FOXH1: variants seen among roughly 807,000 people sequenced by gnomAD.
FOXH1 encodes forkhead box H1.
Under a neutral mutation model 14.2 loss-of-function variants are expected in FOXH1, and 10 were observed. The ratio of observed to expected loss-of-function variants is 0.70; its 90% CI spans 0.43 to 1.19. The LOEUF is 1.19. Among genes scored for constraint, FOXH1 ranks in the 50% most tolerant of loss-of-function variants. FOXH1 has a pLI of 0.00. For synonymous variants in FOXH1, 273 were observed against 209.5 expected (o/e 1.30, Z -2.62); for missense variants, 643 against 492.1 (o/e 1.31, Z -2.90).
Position 144,474,671 on chromosome 8 carries a change from AG to A in FOXH1, c.664del (p.Leu222PhefsTer69). The A allele has an allele frequency of 6.5e-7, 1 of 1,540,224 alleles. No individual in the cohort carries two copies. Among genetic ancestry groups the A allele is most frequent in the South Asian group, 1.2e-5 (1 of 81,158 alleles). On this transcript the variant is annotated frameshift_variant, in exon 3 of 3. Coordinates refer to ENST00000377317, the MANE Select transcript of FOXH1 (RefSeq NM_003923.3). LOFTEE classifies it low-confidence loss of function (END_TRUNC). ...CCCCTCCACTCTCGTGGGGCCAGGA[AG>A]GGGGCAGAGGGGCCACAGAGGCCTC... ...SERPLWPLCP[L>X]PGPTRVEGET...
rs144033228 is a variant in FOXH1 at position 144,474,422 on chromosome 8, G to A, written c.914C>T (p.Ser305Leu). The change falls in exon 3 of 3, where the codon TCA becomes TTA. Residue 305 changes from serine (S) to leucine (L), a missense_variant. Coordinates refer to ENST00000377317, the MANE Select transcript of FOXH1 (RefSeq NM_003923.3). Reference protein sequence around the residue: ...PPPTSCPQCPSTSPAYWGVAP... With the variant: ...PPPTSCPQCPLTSPAYWGVAP... ...CACCCCCCAGTAGGCAGGGCTGGTT[G>A]ACGGACACTGGGGACAGGAGGTGGG... is the stretch of plus-strand genomic sequence containing the variant. 4.3e-6 allele frequency: 7 copies of A among 1,613,150 alleles called. No homozygotes were observed. Among genetic ancestry groups the A allele is most frequent in the Non-Finnish European group, 5.1e-6 (6 of 1,180,018 alleles).
Position 144,475,163 on chromosome 8 carries a change from G to A in FOXH1, c.273C>T (p.Phe91=), listed in dbSNP as rs1022047188. 2 of 1,613,414 alleles carry A rather than the reference G, an allele frequency of 1.2e-6. No individual in the cohort carries two copies. Among genetic ancestry groups the A allele is most frequent in the Non-Finnish European group, 1.7e-6 (2 of 1,179,836 alleles). Residue 91 remains phenylalanine (F), a synonymous_variant, in exon 2 of 3, where the codon TTC becomes TTT. Coordinates refer to ENST00000377317, the MANE Select transcript of FOXH1 (RefSeq NM_003923.3). ...IRHNLSSNRC[F]RKVPKDPAKP... ...CGACCCTGGCCTGCCCCACCTTGCG[G>A]AAGCATCGGTTGGAGGAAAGGTTGT...
Position 144,475,097 on chromosome 8 carries a change from T to G in FOXH1, c.280-41A>C, listed in dbSNP as rs376712865. Reference sequence around the variant, plus strand: ...AGACATGGGTGGGGCTGCCCAACCTTGGATGCTCAGGACTTCCGCGCGCGC... The same window carrying G: ...AGACATGGGTGGGGCTGCCCAACCTGGGATGCTCAGGACTTCCGCGCGCGC... On this transcript the variant is annotated intron_variant, in intron 2 of 2. Transcript: ENST00000377317. The G allele has an allele frequency of 9.4e-6, 15 of 1,603,400 alleles. No homozygotes were observed. The African/African-American group carries it at 2.0e-4, about 21-fold the overall frequency.
At position 144,474,152 on chromosome 8, in the gene FOXH1, G is replaced by A; in HGVS notation, c.*86C>T. ...TGCCTGGTGTTTCGAGGCTGCTGTG[G>A]TCGCAGACAGCCGCCTCGCCTTGGC... On this transcript the variant is annotated 3_prime_UTR_variant, in exon 3 of 3. Coordinates refer to ENST00000377317, the MANE Select transcript of FOXH1 (RefSeq NM_003923.3). The A allele has an allele frequency of 9.3e-7, 1 of 1,071,744 alleles. No individual in the cohort carries two copies. Among genetic ancestry groups the A allele is most frequent in the South Asian group, 1.6e-5 (1 of 61,204 alleles). The allele number at this position is 1,071,744 out of a possible 1,614,324, so 66.4% of individuals were successfully genotyped here.
rs748015290 is a variant in FOXH1 at position 144,474,767 on chromosome 8, C to G, written c.569G>C (p.Ser190Thr). 1.9e-6 allele frequency: 3 copies of G among 1,591,142 alleles called. No homozygotes were observed. Among genetic ancestry groups the G allele is most frequent in the Non-Finnish European group, 2.6e-6 (3 of 1,167,690 alleles). Residue 190 changes from serine to threonine, a missense_variant, in exon 3 of 3, where the codon AGC becomes ACC. By Grantham distance (58) the Ser-to-Thr change is moderately conservative (BLOSUM62 1). Transcript: ENST00000377317. Reference sequence around the variant, plus strand: ...GTTCCCTGTGCCTGCAGGAACTGGGCTGCTCTGTGGAGCTAGCCCCGGCCA... The same window carrying G: ...GTTCCCTGTGCCTGCAGGAACTGGGGTGCTCTGTGGAGCTAGCCCCGGCCA... The part of the protein sequence containing the change: ...APWPGLAPQS[S>T]PVPAGTGNSG...
In FOXH1 at chr8:144,475,752, C is replaced by T. The variant is rs762230558; in HGVS notation, c.5G>A (p.Gly2Glu). 45 of 1,405,186 alleles carry T rather than the reference C, an allele frequency of 3.2e-5. No homozygotes were observed. In the South Asian group the frequency reaches 5.9e-4, roughly 19 times the overall value. 87.0% of individuals were successfully genotyped at this position (1,405,186 alleles called of 1,614,324 possible). A position where few individuals can be genotyped will look rare whatever the true frequency, so the allele number is the denominator to read the frequency against. Reference protein sequence around the residue: MGPCSGSRLGPP... With the variant: MEPCSGSRLGPP... ...CCCCAGGCGGGAGCCGCTGCAGGGC[C>T]CCATGCGGGACGGTAGACAGCGTGG... Residue 2 changes from glycine (G) to glutamate (E), a missense_variant, in exon 1 of 3, where the codon GGG (glycine) becomes GAG (glutamate). Coordinates refer to ENST00000377317, the MANE Select transcript of FOXH1 (RefSeq NM_003923.3).
chr8:144,474,307 A>G lies in FOXH1; in HGVS notation c.1029T>C (p.Val343=), dbSNP rs1386240720. 3.1e-6 allele frequency: 5 copies of G among 1,610,336 alleles called. 1 individual carries two copies. The South Asian group carries it at 4.4e-5, about 14-fold the overall frequency. The part of the protein sequence containing the change: ...GVPPNKSIYD[V]WVSHPRDLAA... ...CCAGGTCCCGAGGGTGGCTGACCCA[A>G]ACGTCGTAGATGCTTTTGTTGGGTG... The change falls in exon 3 of 3, where the codon GTT becomes GTC. Residue 343 remains valine (V), a synonymous_variant. Coordinates refer to ENST00000377317, the MANE Select transcript of FOXH1 (RefSeq NM_003923.3).
intron 1 of FOXH1, 132 bp from the exon 2 acceptor site, chr8:144,475,393 G>T: frequency 1.1e-6 from 1 of 942,624 alleles, no homozygotes; most frequent in Non-Finnish European, 1.6e-6. Context: ...GGACATTTCT[G>T]CGCGGAAGCG....
rs927326144 is a variant in FOXH1 at position 144,473,749 on chromosome 8, C to T, written c.*489G>A. Reference sequence around the variant, plus strand: ...GCATGGCATTAAAACGTTGCAAATTCCTTTACTGTTATCCCCCCCACCACC... The same window carrying T: ...GCATGGCATTAAAACGTTGCAAATTTCTTTACTGTTATCCCCCCCACCACC... On this transcript the variant is annotated 3_prime_UTR_variant, in exon 3 of 3. Coordinates refer to ENST00000377317, the MANE Select transcript of FOXH1 (RefSeq NM_003923.3). The T allele has an allele frequency of 4.7e-6, 2 of 428,288 alleles. No homozygotes were observed. The highest frequency in any genetic ancestry group is 2.1e-5 in the African/African-American group (1 of 48,748). The allele number at this position is 428,288 out of a possible 1,614,324, so 26.5% of individuals were successfully genotyped here. A position where few individuals can be genotyped will look rare whatever the true frequency, so the allele number is the denominator to read the frequency against.
In FOXH1 at chr8:144,474,166, C is replaced by T. The variant is rs770161398; in HGVS notation, c.*72G>A. ...AGGCTGCTGTGGTCGCAGACAGCCG[C>T]CTCGCCTTGGCTCCCTGTCAACAAG... On this transcript the variant is annotated 3_prime_UTR_variant, in exon 3 of 3. Coordinates refer to ENST00000377317, the MANE Select transcript of FOXH1 (RefSeq NM_003923.3). 9.7e-6 allele frequency: 12 copies of T among 1,236,450 alleles called. No homozygotes were observed. The highest frequency in any genetic ancestry group is 1.5e-5 in the African/African-American group (1 of 66,052). 76.6% of individuals were successfully genotyped at this position (1,236,450 alleles called of 1,614,324 possible). A position where few individuals can be genotyped will look rare whatever the true frequency, so the allele number is the denominator to read the frequency against.
rs886062754 is a variant in FOXH1 at position 144,474,947 on chromosome 8, C to A, written c.389G>T (p.Arg130Leu). ...TCCACGCGCACCTCCGTTCTGCCAG[C>A]GCCGGCACAGGGCGGTGTTCTGCAG... ...LRLQNTALCR[R>L]WQNGGARGAF... is the part of the protein sequence containing the mutation. The change falls in exon 3 of 3, where the codon CGC becomes CTC. Residue 130 changes from arginine to leucine, a missense_variant. Coordinates refer to ENST00000377317, the MANE Select transcript of FOXH1 (RefSeq NM_003923.3). 6.2e-7 allele frequency: 1 copy of A among 1,607,764 alleles called. No individual in the cohort carries two copies. Among genetic ancestry groups the A allele is most frequent in the African/African-American group, 1.3e-5 (1 of 74,872 alleles).
chr8:144,475,825 A>G lies in FOXH1; in HGVS notation c.-69T>C, dbSNP rs756291044. The stretch of plus-strand genomic sequence containing the variant: ...GGTGCAGGGCGGTGGGGCAGTGTAG[A>G]AGGCAGGGCCGGGACCTGAGGCCGG... On this transcript the variant is annotated 5_prime_UTR_variant, in exon 1 of 3. Transcript: ENST00000377317. The G allele has an allele frequency of 1.6e-5, 18 of 1,093,682 alleles. No individual in the cohort carries two copies. The highest frequency in any genetic ancestry group is 3.6e-5 in the East Asian group (1 of 27,550). The allele number at this position is 1,093,682 out of a possible 1,614,324, so 67.7% of individuals were successfully genotyped here.
chr8:144,474,894 C>T lies in FOXH1; in HGVS notation c.442G>A (p.Val148Met), dbSNP rs886062753. Residue 148 changes from valine (V) to methionine (M), a missense_variant, in exon 3 of 3, where the codon GTG (valine) becomes ATG (methionine). Val to Met is a conservative substitution (Grantham distance 21). Transcript: ENST00000377317. ...GAFAKDLGPY[V>M]LHGRPYRPPS... Reference sequence around the variant, plus strand: ...GGCCGGTATGGCCGGCCGTGCAGCACGTAGGGGCCCAGGTCCTTGGCGAAG... The same window carrying T: ...GGCCGGTATGGCCGGCCGTGCAGCATGTAGGGGCCCAGGTCCTTGGCGAAG... 2 of 1,610,434 alleles carry T rather than the reference C, an allele frequency of 1.2e-6. No individual in the cohort carries two copies. Among genetic ancestry groups the T allele is most frequent in the Admixed American group, 3.3e-5 (2 of 59,966 alleles).
rs770133767 is a variant in FOXH1, at chr8:144,475,602, C to T, written c.155G>A (p.Arg52His). 6 of 1,445,612 alleles carry T rather than the reference C, an allele frequency of 4.2e-6. No individual in the cohort carries two copies. The highest frequency in any genetic ancestry group is 3.0e-5 in the South Asian group (2 of 65,996). The allele number at this position is 1,445,612 out of a possible 1,614,324, so 89.5% of individuals were successfully genotyped here. A position where few individuals can be genotyped will look rare whatever the true frequency, so the allele number is the denominator to read the frequency against. Residue 52 changes from arginine (R) to histidine (H), a missense_variant, in exon 1 of 3, where the codon CGC (arginine) becomes CAC (histidine). Coordinates refer to ENST00000377317, the MANE Select transcript of FOXH1 (RefSeq NM_003923.3). ...IALVIQAAPS[R>H]RLKLAQIIRQ... is the part of the protein sequence containing the mutation. ...GCTCACCTGGGCCAGCTTCAGTCTG[C>T]GGGAGGGAGCGGCCTGAATCACCAA...
rs745820912 is a variant in FOXH1, at chr8:144,474,194, G to A, written c.*44C>T. The A allele has an allele frequency of 7.0e-7, 1 of 1,429,720 alleles. No individual in the cohort carries two copies. Among genetic ancestry groups the A allele is most frequent in the Admixed American group, 2.4e-5 (1 of 42,272 alleles). The allele number at this position is 1,429,720 out of a possible 1,614,324, so 88.6% of individuals were successfully genotyped here. A position where few individuals can be genotyped will look rare whatever the true frequency, so the allele number is the denominator to read the frequency against. On this transcript the variant is annotated 3_prime_UTR_variant, in exon 3 of 3. Coordinates refer to ENST00000377317, the MANE Select transcript of FOXH1 (RefSeq NM_003923.3). ...CGCCTTGGCTCCCTGTCAACAAGGTGGGGGTGGGAGCGGGAGGGAGGAGTG... is the reference window on the plus strand; with the variant it reads ...CGCCTTGGCTCCCTGTCAACAAGGTAGGGGTGGGAGCGGGAGGGAGGAGTG...
chr8:144,473,485 C>A lies in FOXH1; in HGVS notation c.*753G>T. On this transcript the variant is annotated 3_prime_UTR_variant, in exon 3 of 3. Transcript: ENST00000377317. ...TGTACCCCGTCTCCCAGGGCACAAG[C>A]TCCCTAGCCTCTTTGGATCCATTGC... 1 of 1,435,138 alleles carries A rather than the reference C, an allele frequency of 7.0e-7. No individual in the cohort carries two copies. Among genetic ancestry groups the A allele is most frequent in the Non-Finnish European group, 9.1e-7 (1 of 1,096,824 alleles). 88.9% of individuals were successfully genotyped at this position (1,435,138 alleles called of 1,614,324 possible).
chr8:144,474,940 C>G lies in FOXH1; in HGVS notation c.396G>C (p.Gln132His), dbSNP rs866419417. 2 of 1,608,058 alleles carry G rather than the reference C, an allele frequency of 1.2e-6. No individual in the cohort carries two copies. The highest frequency in any genetic ancestry group is 2.7e-5 in the African/African-American group (2 of 74,894). Reference protein sequence around the residue: ...LQNTALCRRWQNGGARGAFAK... With the variant: ...LQNTALCRRWHNGGARGAFAK... ...CGAAGGCTCCACGCGCACCTCCGTTCTGCCAGCGCCGGCACAGGGCGGTGT... is the reference window on the plus strand; with the variant it reads ...CGAAGGCTCCACGCGCACCTCCGTTGTGCCAGCGCCGGCACAGGGCGGTGT... Residue 132 changes from glutamine to histidine, a missense_variant, in exon 3 of 3, where the codon CAG (glutamine) becomes CAC (histidine). Physicochemically the swap from Gln to His is conservative, Grantham distance 24. Transcript: ENST00000377317.
In FOXH1 at chr8:144,474,786, C is replaced by G; in HGVS notation, c.550G>C (p.Gly184Arg). Residue 184 changes from glycine to arginine, a missense_variant, in exon 3 of 3, where the codon GGG becomes CGG. By Grantham distance (125) the Gly-to-Arg change is moderately radical. Coordinates refer to ENST00000377317, the MANE Select transcript of FOXH1 (RefSeq NM_003923.3). The stretch of plus-strand genomic sequence containing the variant: ...ACTGGGCTGCTCTGTGGAGCTAGCC[C>G]CGGCCAGGGTGCCCCCTCCCCGGAC... ...GGSGEGAPWP[G>R]LAPQSSPVPA... 1 of 1,602,476 alleles carries G rather than the reference C, an allele frequency of 6.2e-7. No individual in the cohort carries two copies.
Position 144,474,910 on chromosome 8 carries a change from C to A in FOXH1, c.426G>T (p.Lys142Asn). 5 of 1,609,598 alleles carry A rather than the reference C, an allele frequency of 3.1e-6. No homozygotes were observed. The highest frequency in any genetic ancestry group is 4.2e-6 in the Non-Finnish European group (5 of 1,179,544). The change falls in exon 3 of 3, where the codon AAG (lysine) becomes AAT (asparagine). Residue 142 changes from lysine to asparagine, a missense_variant. Lys to Asn is a moderately conservative substitution (Grantham distance 94). Transcript: ENST00000377317. ...CGTGCAGCACGTAGGGGCCCAGGTC[C>A]TTGGCGAAGGCTCCACGCGCACCTC... Reference protein sequence around the residue: ...QNGGARGAFAKDLGPYVLHGR... With the variant: ...QNGGARGAFANDLGPYVLHGR...
Sources: gnomAD v4.1 joint callset for allele counts on GRCh38, gnomAD v4.1.1 for gene constraint, MANE v1.5 for transcripts, NCBI Gene and HGNC (gene_info 2026-07-23, HGNC 2026-07-21) for gene names.